STPG2: variants seen among roughly 807,000 people sequenced by gnomAD.
STPG2 encodes the protein sperm tail PG-rich repeat containing 2.
A neutral mutation model predicts 54.2 loss-of-function variants in STPG2; 56 were observed. The observed-to-expected ratio is 1.03, with a 90% CI of 0.83 to 1.29. The LOEUF (loss-of-function observed/expected upper bound fraction) is 1.29, where lower values mean the gene tolerates loss of function less well. Among genes scored for constraint, STPG2 ranks in the 50% most tolerant of loss-of-function variants. The probability of loss-of-function intolerance (pLI) is 0.00; values close to 1 mark genes in which losing one functional copy is unlikely to be tolerated. For synonymous variants in STPG2, 200 were observed against 181.8 expected, an observed-to-expected ratio of 1.10 and a Z score of -0.81; for missense variants, 596 against 544.9, an observed-to-expected ratio of 1.09 and a Z score of -0.93.
At chr4:97,593,966 A>G (rs1391606685) in intron 10 of STPG2, among the ~76,000 whole-genome samples, 1 of 152,164 alleles carries the variant, frequency 6.6e-6, no homozygotes, top group Non-Finnish European at 1.5e-5. Context: ...AAAACTCCCA[A>G]GGACAGCAAA....
intron 5 of STPG2, among the ~76,000 whole-genome samples, chr4:97,988,383 C>T (rs1734891884): frequency 6.6e-6 from 1 of 152,090 alleles, no homozygotes; most frequent in African/African-American, 2.4e-5. Flanking sequence ...ATATTCTAAG[C>T]TCCAGAAAGG....
intron 10 of STPG2, among the ~76,000 whole-genome samples, chr4:97,704,606 G>C (rs896825844): frequency 2.6e-5 from 4 of 152,156 alleles, no homozygotes; most frequent in African/African-American, 9.7e-5. Flanking sequence ...CAAATGACAG[G>C]TAGCTTTTAA....
intron 8 of STPG2, among the ~76,000 whole-genome samples, chr4:97,849,214 A>G (rs112626173): frequency 0.012 from 1,792 of 150,496 alleles, 34 homozygotes; most frequent in African/African-American, 0.042. Flanking sequence ...GAGGTCCTTC[A>G]CATCCCTTGT....
At chr4:97,753,518 T>C (rs1486342620) in intron 9 of STPG2, among the ~76,000 whole-genome samples, 1 of 152,050 alleles carries the variant, frequency 6.6e-6, no homozygotes, top group African/African-American at 2.4e-5. Flanking sequence ...CTTTTGGCTA[T>C]GAACATTGGT....
chr4:98,025,966 C>T lies in STPG2; in HGVS notation c.613-44648G>A, dbSNP rs1358946486. ...AAAGCAAGGAATTTATGTAGAACTA[C>T]ACAGGAAGCACATTGTGGGCCAGAA... is the stretch of plus-strand genomic sequence containing the variant. On this transcript the variant is annotated intron_variant, in intron 5 of 10. Coordinates refer to ENST00000295268, the MANE Select transcript of STPG2 (RefSeq NM_174952.3). 9 of 1,217,398 alleles carry T rather than the reference C, an allele frequency of 7.4e-6. No homozygotes were observed. In the East Asian group the frequency reaches 1.6e-4, roughly 22 times the overall value. The allele number at this position is 1,217,398 out of a possible 1,614,324, so 75.4% of individuals were successfully genotyped here. A position where few individuals can be genotyped will look rare whatever the true frequency, so the allele number is the denominator to read the frequency against.
chr4:98,104,124 A>G (rs1408361077), intron 5 of STPG2, among the ~76,000 whole-genome samples: 2 of 152,118 alleles, frequency 1.3e-5, no homozygotes, highest in Admixed American at 1.3e-4. Context: ...CTATACAAAC[A>G]CATGCAAACA....
chr4:97,922,791 T>C (rs1732156913), intron 8 of STPG2, among the ~76,000 whole-genome samples: 1 of 152,194 alleles, frequency 6.6e-6, no homozygotes, highest in Admixed American at 6.5e-5. Context: ...CAGCAGTTCC[T>C]TCCCATAATT....
Position 97,886,496 on chromosome 4 carries a change from T to C in STPG2, c.1045-45564A>G, listed in dbSNP as rs183888904. ...ATTCCTGTGAGCACTTTCAAAGAAA[T>C]CTACTGAAGAACAAGCTTCAAAAAG... On this transcript the variant is annotated intron_variant, in intron 8 of 10. Transcript: ENST00000295268. Among the ~76,000 whole-genome samples, 770 of 152,228 alleles carry C rather than the reference T, an allele frequency of 5.1e-3. 6 individuals are homozygous for C. Among genetic ancestry groups the C allele is most frequent in the Middle Eastern group, 0.017 (5 of 292 alleles).
In STPG2 at chr4:97,862,751, C is replaced by A. The variant is rs192584750; in HGVS notation, c.1045-21819G>T. ...CAGAAATTATAACAAACTGTCTCTC[C>A]GACCACAGTGCAATCAAATTAGAAC... On this transcript the variant is annotated intron_variant, in intron 8 of 10. Transcript: ENST00000295268. 7.6e-3 allele frequency among the ~76,000 whole-genome samples: 1,156 copies of A among 152,000 alleles called. 11 individuals are homozygous for A. Among genetic ancestry groups the A allele is most frequent in the Non-Finnish European group, 0.011 (729 of 67,900 alleles).
At chr4:98,033,720 G>A (rs910062689) in intron 5 of STPG2, among the ~76,000 whole-genome samples, 4 of 152,030 alleles carry the variant, frequency 2.6e-5, no homozygotes, top group Admixed American at 6.6e-5. Context: ...CTGGCAAACC[G>A]AATCCAGTAG....
chr4:97,699,887 T>C (rs1286062432), intron 10 of STPG2, among the ~76,000 whole-genome samples: 9 of 152,196 alleles, frequency 5.9e-5, no homozygotes, highest in Admixed American at 5.9e-4. Flanking sequence ...ACTTGTGCTT[T>C]CAGGACCTGC....
chr4:97,449,917 A>T (rs1363023938), intron 4 of STPG2, among the ~76,000 whole-genome samples: 1 of 152,192 alleles, frequency 6.6e-6, no homozygotes. Context: ...ACAAACAGAA[A>T]CACAATTCCA....
chr4:97,504,522 T>C (rs1730805085), intron 4 of STPG2, among the ~76,000 whole-genome samples: 1 of 151,954 alleles, frequency 6.6e-6, no homozygotes, highest in Admixed American at 6.6e-5. Context: ...GTAACATCTC[T>C]TGTAGTTTTT....
At chr4:97,906,220 A>G (rs1397854886) in intron 8 of STPG2, among the ~76,000 whole-genome samples, 1 of 152,242 alleles carries the variant, frequency 6.6e-6, no homozygotes, top group Non-Finnish European at 1.5e-5. Flanking sequence ...AACTACTATC[A>G]GAGAATACTA....
At chr4:97,920,015 T>C (rs1358957511) in intron 8 of STPG2, among the ~76,000 whole-genome samples, 1 of 152,186 alleles carries the variant, frequency 6.6e-6, no homozygotes. Context: ...AATGGACTCA[T>C]GTCCATAGAA....
rs562358056 is a variant in STPG2, at chr4:97,701,994, A to G, written c.1320+10705T>C. 2.0e-5 allele frequency among the ~76,000 whole-genome samples: 3 copies of G among 152,322 alleles called. No homozygotes were observed. In the East Asian group the frequency reaches 5.8e-4, roughly 29 times the overall value. ...CAATTACAGAGCTCTTCAAAGATGCAGGTGCTACCCTCACAAATCTGTTTC... is the reference window on the plus strand; with the variant it reads ...CAATTACAGAGCTCTTCAAAGATGCGGGTGCTACCCTCACAAATCTGTTTC... On this transcript the variant is annotated intron_variant, in intron 10 of 10. Transcript: ENST00000295268.
intron 4 of STPG2, among the ~76,000 whole-genome samples, chr4:97,530,575 A>AT (rs1252451783): frequency 1.3e-5 from 2 of 152,098 alleles, no homozygotes; most frequent in Admixed American, 1.3e-4. Flanking sequence ...ACTGATCAAT[A>AT]TTTTTTAAAA....
chr4:97,662,384 C>A (rs1018612328), intron 10 of STPG2, among the ~76,000 whole-genome samples: 8 of 151,966 alleles, frequency 5.3e-5, no homozygotes, highest in Non-Finnish European at 8.8e-5. Flanking sequence ...ATAAAAAATG[C>A]TGGTGAGGTT....
rs185415492 is a variant in STPG2 at position 97,474,362 on chromosome 4, G to A, written c.462+238337C>T. ...ATGGTCAAGGCTGAAATGAGAACACGAAAAAGCGATAATGATGGAGGTTGG... is the reference window on the plus strand; with the variant it reads ...ATGGTCAAGGCTGAAATGAGAACACAAAAAAGCGATAATGATGGAGGTTGG... On this transcript the variant is annotated intron_variant, in intron 4 of 4. Transcript: ENST00000522676. 2.1e-3 allele frequency among the ~76,000 whole-genome samples: 316 copies of A among 152,164 alleles called. 1 individual carries two copies. The highest frequency in any genetic ancestry group is 6.6e-3 in the East Asian group (34 of 5,168).
Sources: gnomAD v4.1 joint callset for allele counts (sites outside exome capture counted in the v4.1 genomes callset) on GRCh38, gnomAD v4.1.1 for gene constraint, MANE v1.5 for transcripts, NCBI Gene and HGNC (gene_info 2026-07-23, HGNC 2026-07-21) for gene names.